TTC6: variants seen among roughly 807,000 people sequenced by gnomAD.
The protein encoded by TTC6 is tetratricopeptide repeat domain 6, also known as tetratricopeptide repeat protein 6.
Under a neutral mutation model 210.4 loss-of-function variants are expected in TTC6, and 172 were observed. That is an observed-to-expected ratio of 0.82 (90% CI 0.72 to 0.93). TTC6 has a LOEUF of 0.93. TTC6 is among the 40% of genes least tolerant of loss of function. The pLI, the probability that TTC6 is intolerant of heterozygous loss-of-function variation, is 0.00. For synonymous variants in TTC6, 804 were observed against 819.6 expected, an observed-to-expected ratio of 0.98 and a Z score of 0.32; for missense variants, 2,414 against 2,318.1, an observed-to-expected ratio of 1.04 and a Z score of -0.85.
intron 10 of TTC6, among the ~76,000 whole-genome samples, chr14:37,747,332 G>T: frequency 6.6e-6 from 1 of 152,064 alleles, no homozygotes; most frequent in East Asian, 1.9e-4. Context: ...CTCAGCTTAG[G>T]ATAATATTTG....
chr14:37,818,454 T>C (rs964975629), intron 26 of TTC6, among the ~76,000 whole-genome samples: 1 of 152,088 alleles, frequency 6.6e-6, no homozygotes, highest in Non-Finnish European at 1.5e-5. Flanking sequence ...TAATAGTTTA[T>C]AGCTTTTTTT....
At chr14:37,644,252 T>TA (rs2095697641) in intron 1 of TTC6, among the ~76,000 whole-genome samples, 1 of 151,980 alleles carries the variant, frequency 6.6e-6, no homozygotes, top group Non-Finnish European at 1.5e-5. Context: ...TTCTGTCTTG[T>TA]AAAAAAAGGT....
intron 20 of TTC6, among the ~76,000 whole-genome samples, chr14:37,800,073 T>C (rs2096102724): frequency 6.6e-6 from 1 of 152,050 alleles, no homozygotes; most frequent in Admixed American, 6.6e-5. Context: ...TACCTGCAAA[T>C]GTAGGAGCAG....
chr14:37,841,506 A>G, exon 30 of TTC6: 1 of 1,599,442 alleles, frequency 6.3e-7, no homozygotes, highest in Non-Finnish European at 8.5e-7. Context: ...GTTCTCATGA[A>G]TCGAGCTATT....
chr14:37,652,429 CAG>C (rs1293263861), intron 1 of TTC6, among the ~76,000 whole-genome samples: 5 of 151,756 alleles, frequency 3.3e-5, no homozygotes, highest in Non-Finnish European at 5.9e-5. Flanking sequence ...AATGATCTAG[CAG>C]AGAGAGAGAG....
chr14:37,784,360 G>C (rs145155776), intron 14 of TTC6, among the ~76,000 whole-genome samples: 1 of 152,068 alleles, frequency 6.6e-6, no homozygotes, highest in South Asian at 2.1e-4. Context: ...GAATTGATCC[G>C]TTTACCATTA....
At chr14:37,801,618 A>G (rs1342631063) in intron 20 of TTC6, among the ~76,000 whole-genome samples, 2 of 152,082 alleles carry the variant, frequency 1.3e-5, no homozygotes, top group Non-Finnish European at 2.9e-5. Flanking sequence ...CCTTGTTGTG[A>G]CTTCTTATGG....
At chr14:37,705,663 A>C (rs373283827) in intron 5 of TTC6, among the ~76,000 whole-genome samples, 1 of 152,172 alleles carries the variant, frequency 6.6e-6, no homozygotes, top group Non-Finnish European at 1.5e-5. Context: ...GGCATCTGCA[A>C]ACAGGAGAGA....
chr14:37,827,106 A>G, intron 28 of TTC6, 90 bp from the exon 31 acceptor site: 3 of 1,056,260 alleles, frequency 2.8e-6, no homozygotes, highest in Admixed American at 6.0e-5. Flanking sequence ...ATTTCCCACA[A>G]GTAGATTCCC....
chr14:37,763,514 C>T (rs558552271), intron 14 of TTC6, among the ~76,000 whole-genome samples: 1 of 152,154 alleles, frequency 6.6e-6, no homozygotes, highest in Admixed American at 6.5e-5. Flanking sequence ...TCTATTTCTT[C>T]TTGAGTTGGT....
intron 1 of TTC6, among the ~76,000 whole-genome samples, chr14:37,603,519 T>C (rs1350834212): frequency 6.6e-6 from 1 of 152,234 alleles, no homozygotes; most frequent in Non-Finnish European, 1.5e-5. Flanking sequence ...ATTTCCTTCC[T>C]TTTTGCTGAA....
intron 3 of TTC6, among the ~76,000 whole-genome samples, chr14:37,686,064 G>A (rs962745297): frequency 2.0e-4 from 31 of 152,052 alleles, no homozygotes; most frequent in African/African-American, 7.2e-4. Context: ...TCATAAAAAT[G>A]TTAGACCTGG....
At chr14:37,665,505 T>C (rs1324383093) in intron 1 of TTC6, among the ~76,000 whole-genome samples, 1 of 150,124 alleles carries the variant, frequency 6.7e-6, no homozygotes, top group Non-Finnish European at 1.5e-5. Flanking sequence ...TCAGTGGGTA[T>C]GGCAGGAGGG....
chr14:37,713,169 A>G (rs545756294), intron 5 of TTC6, among the ~76,000 whole-genome samples: 3 of 152,324 alleles, frequency 2.0e-5, no homozygotes, highest in Admixed American at 2.0e-4. Flanking sequence ...AAACCAGTAA[A>G]AAACACAACT....
chr14:37,841,534 G>T (rs2139063170), exon 30 of TTC6: 1 of 1,603,050 alleles, frequency 6.2e-7, no homozygotes, highest in Non-Finnish European at 8.5e-7. Flanking sequence ...CAATATTAAA[G>T]AAATATGAAG....
intron 5 of TTC6, among the ~76,000 whole-genome samples, chr14:37,710,540 A>T (rs2095842996): frequency 6.6e-6 from 1 of 152,126 alleles, no homozygotes. Context: ...AATGATCATA[A>T]ACAATAATGG....
In TTC6 at chr14:37,804,670, A is replaced by G; in HGVS notation, c.4030-10A>G. 6.2e-7 allele frequency: 1 copy of G among 1,604,198 alleles called. No homozygotes were observed. Among genetic ancestry groups the G allele is most frequent in the East Asian group, 2.2e-5 (1 of 44,812 alleles). On this transcript the variant is annotated splice_polypyrimidine_tract_variant and intron_variant, in intron 20 of 30. Transcript: ENST00000553443. The stretch of plus-strand genomic sequence containing the variant: ...TTTCTTGCCCCCTCCCTGCTTTTTT[A>G]TCATTATAGGAAGCTGTGGAAGTGC...
intron 29 of TTC6, among the ~76,000 whole-genome samples, chr14:37,838,471 C>A (rs1034346064): frequency 6.6e-6 from 1 of 152,104 alleles, no homozygotes; most frequent in African/African-American, 2.4e-5. Context: ...CCTTTCAGAT[C>A]GAAGATGAGT....
At chr14:37,601,255 A>C (rs936232514) in intron 1 of TTC6, among the ~76,000 whole-genome samples, 2 of 152,202 alleles carry the variant, frequency 1.3e-5, no homozygotes, top group South Asian at 4.1e-4. Flanking sequence ...CCAGGTTCTT[A>C]TCACACATCG....
Sources: allele counts gnomAD v4.1 joint callset (sites outside exome capture counted in the v4.1 genomes callset), GRCh38; gene constraint gnomAD v4.1.1; transcripts MANE v1.5; gene names NCBI Gene and HGNC (gene_info 2026-07-23, HGNC 2026-07-21).